The following DDX10 variants were observed in gnomAD, a reference collection of about 807,000 sequenced individuals.
DDX10 encodes the protein probable ATP-dependent RNA helicase DDX10.
In DDX10, 74 loss-of-function variants were observed where a neutral mutation model predicts 104.3. The ratio of observed to expected loss-of-function variants is 0.71; its 90% CI spans 0.59 to 0.86. The LOEUF is 0.86. Among genes scored for constraint, DDX10 ranks in the 40% least tolerant of loss-of-function variants. The pLI, the probability that DDX10 is intolerant of heterozygous loss-of-function variation, is 0.00. For missense variants in DDX10, 952 were observed against 1,040.0 expected (o/e 0.92, Z 1.16); for synonymous variants, 351 against 353.4 (o/e 0.99, Z 0.08).
At chr11:108,857,685 T>TA (rs1456705671) in intron 16 of DDX10, among the ~76,000 whole-genome samples, 1 of 152,212 alleles carries the variant, frequency 6.6e-6, no homozygotes, top group East Asian at 1.9e-4. Flanking sequence ...AATTGAAGCT[T>TA]AGGAAGTTGA....
intron 13 of DDX10, among the ~76,000 whole-genome samples, chr11:108,783,538 T>G (rs1490735035): frequency 6.6e-6 from 1 of 152,116 alleles, no homozygotes; most frequent in Non-Finnish European, 1.5e-5. Context: ...CTGGGAGATA[T>G]GAACATGTTT....
Position 108,691,488 on chromosome 11 carries a change from A to G in DDX10, c.976-388A>G, listed in dbSNP as rs548959362. On this transcript the variant is annotated intron_variant, in intron 7 of 17. Transcript: ENST00000322536. ...ACAGTTTTTTAAATCAAATCCCAAC[A>G]TATTTCTTGGTTTGATCAGTTCTGT... Among the ~76,000 whole-genome samples, 21 of 152,322 alleles carry G rather than the reference A, an allele frequency of 1.4e-4. No individual in the cohort carries two copies. In the South Asian group the frequency reaches 2.5e-3, roughly 18 times the overall value.
intron 13 of DDX10, among the ~76,000 whole-genome samples, chr11:108,763,836 A>G (rs560711564): frequency 1.6e-4 from 24 of 151,970 alleles, no homozygotes; most frequent in African/African-American, 5.8e-4. Flanking sequence ...GTAATAATGC[A>G]TTAAATAGTT....
chr11:108,777,206 T>C (rs551157649), intron 13 of DDX10, among the ~76,000 whole-genome samples: 1 of 152,340 alleles, frequency 6.6e-6, no homozygotes, highest in East Asian at 1.9e-4. Flanking sequence ...ATATATTCTT[T>C]GTTGGATTTG....
chr11:108,879,212 G>A (rs1346547657), intron 16 of DDX10, among the ~76,000 whole-genome samples: 2 of 152,098 alleles, frequency 1.3e-5, no homozygotes, highest in African/African-American at 4.8e-5. Flanking sequence ...ATGTTGGCCA[G>A]GATGATCTCG....
intron 13 of DDX10, among the ~76,000 whole-genome samples, chr11:108,748,245 A>C (rs1225176140): frequency 6.6e-6 from 1 of 152,188 alleles, no homozygotes; most frequent in Non-Finnish European, 1.5e-5. Context: ...ATACGAAGCT[A>C]GGGCAATCAT....
chr11:108,905,299 A>G (rs1274256212), intron 16 of DDX10, among the ~76,000 whole-genome samples: 1 of 79,304 alleles, frequency 1.3e-5, no homozygotes, highest in Non-Finnish European at 2.4e-5. Context: ...ATAAGGTACT[A>G]TTAGATTGTT....
At chr11:108,855,870 T>C (rs1390052197) in intron 16 of DDX10, among the ~76,000 whole-genome samples, 2 of 152,232 alleles carry the variant, frequency 1.3e-5, no homozygotes, top group Non-Finnish European at 2.9e-5. Context: ...AAAGTTGCTT[T>C]GACTATATTA....
chr11:108,901,806 A>C (rs1863519923), intron 16 of DDX10, among the ~76,000 whole-genome samples: 1 of 152,182 alleles, frequency 6.6e-6, no homozygotes, highest in African/African-American at 2.4e-5. Flanking sequence ...TTTACCACCT[A>C]TCTAGGGATT....
At chr11:108,746,085 CA>C (rs1444155317) in intron 13 of DDX10, among the ~76,000 whole-genome samples, 1 of 152,134 alleles carries the variant, frequency 6.6e-6, no homozygotes, top group African/African-American at 2.4e-5. Flanking sequence ...CTATTCCTTT[CA>C]GACATAAATA....
intron 13 of DDX10, among the ~76,000 whole-genome samples, chr11:108,737,135 C>T (rs2094319365): frequency 6.6e-6 from 1 of 152,148 alleles, no homozygotes; most frequent in Non-Finnish European, 1.5e-5. Flanking sequence ...ATTGACAACA[C>T]TTTCATCCCT....
chr11:108,820,325 A>C (rs1862309308), intron 13 of DDX10, among the ~76,000 whole-genome samples: 2 of 152,224 alleles, frequency 1.3e-5, no homozygotes, highest in African/African-American at 4.8e-5. Flanking sequence ...TATGGCATGG[A>C]TTAAGGAATA....
intron 13 of DDX10, among the ~76,000 whole-genome samples, chr11:108,829,516 A>C (rs1449074052): frequency 1.3e-5 from 2 of 152,104 alleles, no homozygotes; most frequent in African/African-American, 4.8e-5. Context: ...ATAGATTGTG[A>C]AGATTTTCTC....
chr11:108,853,654 A>G (rs1379007535), intron 16 of DDX10, among the ~76,000 whole-genome samples: 3 of 151,930 alleles, frequency 2.0e-5, no homozygotes. Context: ...TGGTTTTAAT[A>G]CTGTGTCTGC....
In DDX10 at chr11:108,754,147, C is replaced by G. The variant is rs1361070906; in HGVS notation, c.1965+30685C>G. ...GCCTGTTTTCTGTTCAGATTTGATT[C>G]TGCTGTGTTGTCGGAAGTGAATCGT... On this transcript the variant is annotated intron_variant, in intron 13 of 17. Transcript: ENST00000322536. Among the ~76,000 whole-genome samples, 6 of 152,078 alleles carry G rather than the reference C, an allele frequency of 3.9e-5. No individual in the cohort carries two copies. The South Asian group carries it at 1.2e-3, about 32-fold the overall frequency.
chr11:108,771,435 T>C (rs1045611373), intron 13 of DDX10, among the ~76,000 whole-genome samples: 3 of 151,618 alleles, frequency 2.0e-5, no homozygotes, highest in African/African-American at 7.3e-5. Flanking sequence ...TCTCGACTCA[T>C]GGAAAGCCAC....
intron 6 of DDX10, among the ~76,000 whole-genome samples, chr11:108,683,050 T>G (rs1454952300): frequency 1.3e-5 from 2 of 152,192 alleles, no homozygotes; most frequent in African/African-American, 4.8e-5. Flanking sequence ...AATTAGACTC[T>G]GGGGTTATCC....
chr11:108,896,178 T>G (rs1863438409), intron 16 of DDX10, among the ~76,000 whole-genome samples: 1 of 152,188 alleles, frequency 6.6e-6, no homozygotes, highest in Admixed American at 6.5e-5. Context: ...TGAATTGTTA[T>G]AGAGCAATTC....
chr11:108,850,298 A>G (rs1862773230), intron 15 of DDX10, among the ~76,000 whole-genome samples: 1 of 152,186 alleles, frequency 6.6e-6, no homozygotes, highest in South Asian at 2.1e-4. Context: ...TTTAATGACT[A>G]TAATGAATTA....
Sources: gnomAD v4.1 joint callset for allele counts (sites outside exome capture counted in the v4.1 genomes callset) on GRCh38, gnomAD v4.1.1 for gene constraint, MANE v1.5 for transcripts, NCBI Gene and HGNC (gene_info 2026-07-23, HGNC 2026-07-21) for gene names.